The following BDP1 variants were observed in gnomAD, a reference collection of about 807,000 sequenced individuals.
BDP1 encodes transcription factor TFIIIB component B'' homolog.
A neutral mutation model predicts 266.6 loss-of-function variants in BDP1; 169 were observed. That is an observed-to-expected ratio of 0.63 (90% confidence interval 0.56 to 0.72). The LOEUF (loss-of-function observed/expected upper bound fraction) is 0.72, where lower values mean the gene tolerates loss of function less well. Among genes scored for constraint, BDP1 ranks in the 30% least tolerant of loss-of-function variants. The probability of loss-of-function intolerance (pLI) is 0.00; values close to 1 mark genes in which losing one functional copy is unlikely to be tolerated. For missense variants in BDP1, 3,015 were observed against 3,053.8 expected (o/e 0.99, Z 0.30); for synonymous variants, 1,090 against 1,022.4 (o/e 1.07, Z -1.26).
intron 25 of BDP1, among the ~76,000 whole-genome samples, chr5:71,530,558 T>C (rs1330739001): frequency 6.6e-6 from 1 of 151,964 alleles, no homozygotes; most frequent in Non-Finnish European, 1.5e-5. Flanking sequence ...GTTTTTAAAT[T>C]CATTTTTTTG....
At chr5:71,560,326 T>A (rs1464068194) in intron 37 of BDP1, 89 bp downstream of exon 37, 10 of 1,348,284 alleles carry the variant, frequency 7.4e-6, no homozygotes, top group Non-Finnish European at 8.0e-6. Context: ...GTACTAAGGA[T>A]GGTGTTTAAT....
chr5:71,564,931 C>T lies in BDP1; in HGVS notation c.*46C>T. ...TTTTTTAAATTAGGTCTAGGATTTC[C>T]AGAGTCAATTACATCAACAAAACAG... On this transcript the variant is annotated 3_prime_UTR_variant, in exon 39 of 39. Transcript: ENST00000358731. The T allele has an allele frequency of 1.3e-6, 2 of 1,529,618 alleles. No individual in the cohort carries two copies. Among genetic ancestry groups the T allele is most frequent in the Non-Finnish European group, 8.8e-7 (1 of 1,132,656 alleles). 94.8% of individuals were successfully genotyped at this position (1,529,618 alleles called of 1,614,324 possible).
intron 8 of BDP1, among the ~76,000 whole-genome samples, chr5:71,485,873 T>A (rs1038852402): frequency 2.0e-5 from 3 of 152,164 alleles, no homozygotes; most frequent in Non-Finnish European, 4.4e-5. Context: ...TGATTTATAT[T>A]TATACACAGC....
Position 71,523,085 on chromosome 5 carries a change from A to G in BDP1, c.5387+136A>G. ...GGTAGAAACTTGACCAAAGAGGAGT[A>G]TGTATGTATTAGCTAAGTAATTAAG... On this transcript the variant is annotated intron_variant, in intron 24 of 38. Coordinates refer to ENST00000358731, the MANE Select transcript of BDP1 (RefSeq NM_018429.3). 5.0e-6 allele frequency: 3 copies of G among 594,090 alleles called. No homozygotes were observed. In the South Asian group the frequency reaches 8.2e-5, roughly 16 times the overall value. 36.8% of individuals were successfully genotyped at this position (594,090 alleles called of 1,614,324 possible).
At chr5:71,489,317 C>T in intron 9 of BDP1, 87 bp from the exon 10 acceptor site, 1 of 918,986 alleles carries the variant, frequency 1.1e-6, no homozygotes, top group Non-Finnish European at 1.6e-6. Flanking sequence ...ATAAATAATA[C>T]AGAGGACATC....
chr5:71,560,349 C>T, intron 37 of BDP1, 112 bp downstream of exon 37: 1 of 1,153,426 alleles, frequency 8.7e-7, no homozygotes, highest in South Asian at 1.8e-5. Context: ...ACATATTCCT[C>T]CATCAGTAAT....
chr5:71,551,753 G>A (rs1257933027), intron 34 of BDP1, among the ~76,000 whole-genome samples: 1 of 150,536 alleles, frequency 6.6e-6, no homozygotes, highest in Non-Finnish European at 1.5e-5. Flanking sequence ...CCTCCCGGAC[G>A]GGGCGGCTGG....
In BDP1 at chr5:71,509,745, A is replaced by C; in HGVS notation, c.2653A>C (p.Arg885=). The C allele has an allele frequency of 6.2e-7, 1 of 1,614,146 alleles. No homozygotes were observed. Among genetic ancestry groups the C allele is most frequent in the Non-Finnish European group, 8.5e-7 (1 of 1,179,980 alleles). Residue 885 remains arginine, a synonymous_variant, in exon 17 of 39, where the codon AGG becomes CGG. Coordinates refer to ENST00000358731, the MANE Select transcript of BDP1 (RefSeq NM_018429.3). ...AACTGGAAGAAGAGCCATTTCTCCC[A>C]GGGAGAAGATTCTAGATGTGATTGA... ...KETGRRAISP[R]EKILDVIDDT...
intron 29 of BDP1, 56 bp from the exon 30 acceptor site, chr5:71,542,049 A>G: frequency 7.0e-7 from 1 of 1,423,886 alleles, no homozygotes; most frequent in Non-Finnish European, 9.7e-7. Flanking sequence ...GACTGTATTA[A>G]TGTGAGAGAG....
chr5:71,470,421 A>C lies in BDP1; in HGVS notation c.946A>C (p.Ser316Arg). ...KETDMFFLAISMVGTDFSMIG... is the reference protein window; with the variant it reads ...KETDMFFLAIRMVGTDFSMIG... Reference sequence around the variant, plus strand: ...AACAGATATGTTTTTTTTAGCCATCAGCATGGTAGGAACTGACTTTTCTAT... The same window carrying C: ...AACAGATATGTTTTTTTTAGCCATCCGCATGGTAGGAACTGACTTTTCTAT... Residue 316 changes from serine (S) to arginine (R), a missense_variant, in exon 7 of 39, where the codon AGC (serine) becomes CGC (arginine). Coordinates refer to ENST00000358731, the MANE Select transcript of BDP1 (RefSeq NM_018429.3). The C allele has an allele frequency of 6.2e-7, 1 of 1,609,670 alleles. No individual in the cohort carries two copies. The highest frequency in any genetic ancestry group is 8.5e-7 in the Non-Finnish European group (1 of 1,178,224).
intron 16 of BDP1, among the ~76,000 whole-genome samples, chr5:71,506,317 T>C (rs958159025): frequency 2.3e-4 from 35 of 152,212 alleles, no homozygotes; most frequent in African/African-American, 7.5e-4. Flanking sequence ...TTCTAGCCTT[T>C]GAATCTCCAG....
intron 32 of BDP1, among the ~76,000 whole-genome samples, chr5:71,547,060 C>T (rs1419252861): frequency 2.6e-5 from 4 of 152,034 alleles, no homozygotes; most frequent in African/African-American, 9.7e-5. Flanking sequence ...ACTATGTTGG[C>T]CAGGCTGGTC....
chr5:71,469,264 G>A (rs561305253), intron 6 of BDP1, among the ~76,000 whole-genome samples: 22 of 151,504 alleles, frequency 1.5e-4, no homozygotes, highest in Admixed American at 1.1e-3. Context: ...TCAGTCTCCC[G>A]AGTAGCTGGG....
chr5:71,474,038 T>C (rs1395730752), intron 7 of BDP1, among the ~76,000 whole-genome samples: 1 of 152,082 alleles, frequency 6.6e-6, no homozygotes, highest in East Asian at 1.9e-4. Flanking sequence ...TGGAGTGCAG[T>C]GGCGGATCTC....
Position 71,564,944 on chromosome 5 carries a change from A to C in BDP1, c.*59A>C. On this transcript the variant is annotated 3_prime_UTR_variant, in exon 39 of 39. Coordinates refer to ENST00000358731, the MANE Select transcript of BDP1 (RefSeq NM_018429.3). ...GTCTAGGATTTCCAGAGTCAATTAC[A>C]TCAACAAAACAGTATTTAGAGCAAA... 1 of 1,483,224 alleles carries C rather than the reference A, an allele frequency of 6.7e-7. No homozygotes were observed. The highest frequency in any genetic ancestry group is 9.1e-7 in the Non-Finnish European group (1 of 1,095,366). The allele number at this position is 1,483,224 out of a possible 1,614,324, so 91.9% of individuals were successfully genotyped here.
intron 25 of BDP1, among the ~76,000 whole-genome samples, chr5:71,530,722 A>G (rs1310362147): frequency 2.0e-5 from 3 of 152,130 alleles, no homozygotes; most frequent in Non-Finnish European, 4.4e-5. Flanking sequence ...AGATATTACC[A>G]AAGATTTTTC....
chr5:71,506,312 G>A (rs1195663117), intron 16 of BDP1, among the ~76,000 whole-genome samples: 1 of 151,994 alleles, frequency 6.6e-6, no homozygotes, highest in Non-Finnish European at 1.5e-5. Context: ...GACCTTTCTA[G>A]CCTTTGAATC....
rs1219851125 is a variant in BDP1 at position 71,468,407 on chromosome 5, C to T, written c.919+920C>T. On this transcript the variant is annotated intron_variant, in intron 6 of 38. Transcript: ENST00000358731. Reference sequence around the variant, plus strand: ...TAGGCTCAAGCGATCCTTTGCCTCCCGAAGTGTTGAGATTATAGGCGTGAG... The same window carrying T: ...TAGGCTCAAGCGATCCTTTGCCTCCTGAAGTGTTGAGATTATAGGCGTGAG... Among the ~76,000 whole-genome samples, 5 of 151,744 alleles carry T rather than the reference C, an allele frequency of 3.3e-5. No individual in the cohort carries two copies. The East Asian group carries it at 9.7e-4, about 30-fold the overall frequency.
At chr5:71,484,404 T>C (rs1763136642) in intron 8 of BDP1, among the ~76,000 whole-genome samples, 1 of 152,112 alleles carries the variant, frequency 6.6e-6, no homozygotes, top group Non-Finnish European at 1.5e-5. Flanking sequence ...GGAAGAAATA[T>C]AGTTGATAAG....
Sources: gnomAD v4.1 joint callset for allele counts (sites outside exome capture counted in the v4.1 genomes callset) on GRCh38, gnomAD v4.1.1 for gene constraint, MANE v1.5 for transcripts, NCBI Gene and HGNC (gene_info 2026-07-23, HGNC 2026-07-21) for gene names.